CDH4: variants seen among roughly 807,000 people sequenced by gnomAD.
CDH4 encodes the protein cadherin-4.
CDH4 carries 33 observed loss-of-function variants against 86.0 expected under a neutral mutation model. That is an observed-to-expected ratio of 0.38 (90% CI 0.29 to 0.51). The LOEUF is 0.51. CDH4 is among the 20% of genes least tolerant of loss of function. CDH4 has a pLI of 0.86. For missense variants in CDH4, 1,114 were observed against 1,307.4 expected (o/e 0.85, Z 2.28); for synonymous variants, 555 against 549.4 (o/e 1.01, Z -0.14).
intron 2 of CDH4, among the ~76,000 whole-genome samples, chr20:61,273,828 T>TGGAGTAGC (rs2084203528): frequency 8.4e-6 from 1 of 118,432 alleles, no homozygotes; most frequent in African/African-American, 3.2e-5. Flanking sequence ...GGGGGAGTAC[T>TGGAGTAGC]ATGTGCAGTT....
chr20:61,409,960 C>A (rs2085107720), intron 2 of CDH4, among the ~76,000 whole-genome samples: 3 of 152,352 alleles, frequency 2.0e-5, no homozygotes, highest in African/African-American at 7.2e-5. Flanking sequence ...TTCACCACTT[C>A]TCCCAGAGGA....
chr20:61,562,403 GGGACCTTCGTGTGGAGAGGT>G (rs2086225802), intron 2 of CDH4, among the ~76,000 whole-genome samples: 3 of 147,266 alleles, frequency 2.0e-5, no homozygotes, highest in Non-Finnish European at 3.0e-5. Flanking sequence ...GAGAGAGAGG[GGGACCTTCGTGTGGAGAGGT>G]GGACCCCAGG....
At chr20:61,876,735 G>A (rs1018592269) in intron 7 of CDH4, among the ~76,000 whole-genome samples, 2 of 152,164 alleles carry the variant, frequency 1.3e-5, no homozygotes, top group African/African-American at 4.8e-5. Flanking sequence ...CAGTGGGGTT[G>A]AGGGGGTCCC....
At chr20:61,729,273 C>T (rs1012338573) in intron 2 of CDH4, among the ~76,000 whole-genome samples, 3 of 152,178 alleles carry the variant, frequency 2.0e-5, no homozygotes, top group African/African-American at 7.2e-5. Flanking sequence ...ACATCAAGAG[C>T]CACTGTGCTT....
chr20:61,348,114 T>A (rs2084690133), intron 2 of CDH4, among the ~76,000 whole-genome samples: 1 of 152,180 alleles, frequency 6.6e-6, no homozygotes. Context: ...AGTCTGTTCT[T>A]ACACTGCTAA....
At chr20:61,581,459 C>A (rs901137684) in intron 2 of CDH4, among the ~76,000 whole-genome samples, 2 of 152,120 alleles carry the variant, frequency 1.3e-5, no homozygotes, top group Non-Finnish European at 2.9e-5. Flanking sequence ...GCTCCTGGCC[C>A]CTCCTCCATC....
chr20:61,262,301 A>G (rs2068163751), intron 2 of CDH4, among the ~76,000 whole-genome samples: 1 of 152,162 alleles, frequency 6.6e-6, no homozygotes, highest in Admixed American at 6.5e-5. Flanking sequence ...GGGTGTCTGC[A>G]GAGATCTCGT....
intron 2 of CDH4, among the ~76,000 whole-genome samples, chr20:61,391,452 C>T (rs769714312): frequency 6.6e-6 from 1 of 152,246 alleles, no homozygotes; most frequent in South Asian, 2.1e-4. Flanking sequence ...CCCTCCGAAC[C>T]GCTTTATTGG....
intron 2 of CDH4, among the ~76,000 whole-genome samples, chr20:61,704,552 G>A (rs903380572): frequency 6.6e-6 from 1 of 152,140 alleles, no homozygotes; most frequent in Non-Finnish European, 1.5e-5. Context: ...TGGCAGGGGT[G>A]GTGGGATCCG....
chr20:61,855,116 G>C (rs111391354), intron 6 of CDH4, among the ~76,000 whole-genome samples: 67 of 77,988 alleles, frequency 8.6e-4, no homozygotes, highest in South Asian at 1.4e-3. Context: ...ACCCCCAGGG[G>C]TGCAGTGTGA....
intron 2 of CDH4, among the ~76,000 whole-genome samples, chr20:61,368,726 AGGCT>A (rs1568816512): frequency 1.3e-5 from 2 of 152,060 alleles, no homozygotes; most frequent in Non-Finnish European, 2.9e-5. Flanking sequence ...CATGTTGCCC[AGGCT>A]GGTCTTGAAC....
intron 2 of CDH4, among the ~76,000 whole-genome samples, chr20:61,418,626 G>A (rs764822750): frequency 2.7e-4 from 41 of 152,288 alleles, no homozygotes; most frequent in Middle Eastern, 3.4e-3. Context: ...CAGTGAAATC[G>A]CGTGTGGAGG....
chr20:61,626,955 A>C (rs1357888573), intron 2 of CDH4, among the ~76,000 whole-genome samples: 2 of 152,124 alleles, frequency 1.3e-5, no homozygotes, highest in Non-Finnish European at 2.9e-5. Flanking sequence ...CCTCTTCCGA[A>C]TCCTGTAGGA....
chr20:61,764,250 G>A (rs1485431576), intron 3 of CDH4, among the ~76,000 whole-genome samples: 2 of 152,224 alleles, frequency 1.3e-5, no homozygotes, highest in Non-Finnish European at 2.9e-5. Flanking sequence ...GGGCTAGTGT[G>A]GTTTTCTCAA....
At position 61,377,805 on chromosome 20, in the gene CDH4, T is replaced by C. The variant is rs2084880328; in HGVS notation, c.169+122868T>C. Among the ~76,000 whole-genome samples, 1 of 152,232 alleles carries C rather than the reference T, an allele frequency of 6.6e-6. No individual in the cohort carries two copies. Among genetic ancestry groups the C allele is most frequent in the Non-Finnish European group, 1.5e-5 (1 of 68,042 alleles). On this transcript the variant is annotated intron_variant, in intron 2 of 15. Coordinates refer to ENST00000614565, the MANE Select transcript of CDH4 (RefSeq NM_001794.5). This position sits in a 1 kb window ranked among gnomAD's most constrained non-coding sequence, Gnocchi z 4.0. ...TTAGGTCGGTCCACTGGCCTGTGCC[T>C]TGTCCTTAGAAGGCTGGAGGCCTGT...
At chr20:61,920,803 T>G (rs921575373) in intron 9 of CDH4, among the ~76,000 whole-genome samples, 9 of 140,676 alleles carry the variant, frequency 6.4e-5, no homozygotes, top group African/African-American at 2.5e-4. Context: ...GGTGATTGCG[T>G]GGAAGCGTGG....
chr20:61,903,822 TA>T (rs1042096124), intron 8 of CDH4, among the ~76,000 whole-genome samples: 1 of 152,048 alleles, frequency 6.6e-6, no homozygotes, highest in African/African-American at 2.4e-5. Context: ...ATGGGAACAA[TA>T]ATATAATCCC....
intron 2 of CDH4, among the ~76,000 whole-genome samples, chr20:61,298,896 G>C (rs1447044756): frequency 6.6e-6 from 1 of 151,684 alleles, no homozygotes; most frequent in African/African-American, 2.4e-5. Flanking sequence ...GCCAAACTCA[G>C]GAACTAAAAA....
intron 2 of CDH4, among the ~76,000 whole-genome samples, chr20:61,472,340 C>A (rs1469516148): frequency 6.6e-6 from 1 of 152,110 alleles, no homozygotes; most frequent in African/African-American, 2.4e-5. Context: ...CTTTTGGTTT[C>A]CATTGACATG....
Sources: gnomAD v4.1 joint callset for allele counts (sites outside exome capture counted in the v4.1 genomes callset) on GRCh38, gnomAD v4.1.1 for gene constraint, Gnocchi (gnomAD v3.1) non-coding constraint, MANE v1.5 for transcripts, NCBI Gene and HGNC (gene_info 2026-07-23, HGNC 2026-07-21) for gene names.